Variants in MED24 observed in about 807,000 individuals in gnomAD.
MED24 encodes mediator complex subunit 24.
In MED24, 74 loss-of-function variants were observed where a neutral mutation model predicts 118.8. The ratio of observed to expected loss-of-function variants is 0.62; its 90% CI spans 0.52 to 0.76. MED24 has a LOEUF of 0.76. Ranked by LOEUF, MED24 falls within the 30% of genes least tolerant of loss-of-function variation. The pLI is 0.00. For synonymous variants in MED24, 521 were observed against 523.9 expected (o/e 0.99, Z 0.08); for missense variants, 1,041 against 1,278.9 (o/e 0.81, Z 2.84).
In MED24 at chr17:40,019,924, A is replaced by C; in HGVS notation, c.2714T>G (p.Phe905Cys). Reference protein sequence around the residue: ...DPLNRVLANLFLLISSILGSR... With the variant: ...DPLNRVLANLCLLISSILGSR... The stretch of plus-strand genomic sequence containing the variant: ...CCCCAGGATGGAGGAGATGAGCAGG[A>C]ACAGGTTGGCTGTAGAGAGTGGGGG... The change falls in exon 25 of 26, where the codon TTC (phenylalanine) becomes TGC (cysteine). Residue 905 changes from phenylalanine to cysteine, a missense_variant. Physicochemically the swap from Phe to Cys is radical, Grantham distance 205. Transcript: ENST00000394128. 1 of 1,565,728 alleles carries C rather than the reference A, an allele frequency of 6.4e-7. No individual in the cohort carries two copies. Among genetic ancestry groups the C allele is most frequent in the Non-Finnish European group, 8.7e-7 (1 of 1,154,386 alleles).
rs763513977 is a variant in MED24 at position 40,027,700 on chromosome 17, G to A, written c.1447+209C>T. On this transcript the variant is annotated intron_variant, in intron 15 of 25. Coordinates refer to ENST00000394128, the MANE Select transcript of MED24 (RefSeq NM_014815.4). ...CTAACCAAGTCGTAAAGGGATGAGG[G>A]GGGGAAGGAGACACAGGGATGGTCT... 2.4e-5 allele frequency: 16 copies of A among 675,488 alleles called. No individual in the cohort carries two copies. In the Middle Eastern group the frequency reaches 9.8e-4, roughly 41 times the overall value. The allele number at this position is 675,488 out of a possible 1,614,324, so 41.8% of individuals were successfully genotyped here.
chr17:40,026,587 G>A, intron 18 of MED24, 60 bp downstream of exon 18: 1 of 1,461,848 alleles, frequency 6.8e-7, no homozygotes, highest in Non-Finnish European at 9.4e-7. Flanking sequence ...AATATAACAA[G>A]TCATCACTGG....
Position 40,035,153 on chromosome 17 carries a change from G to T in MED24, c.523C>A (p.Arg175=). The change falls in exon 6 of 26, where the codon CGG becomes AGG. Residue 175 remains arginine, a synonymous_variant. Coordinates refer to ENST00000394128, the MANE Select transcript of MED24 (RefSeq NM_014815.4). The part of the protein sequence containing the change: ...LEKTLSSTKN[R]ALLHIAKLEE... ...AGTTTGGCGATGTGCAGCAGGGCCC[G>T]GTTCTTGGTGCTGCTGAGGGTTTTC... The T allele has an allele frequency of 1.2e-6, 2 of 1,614,138 alleles. No homozygotes were observed. Among genetic ancestry groups the T allele is most frequent in the South Asian group, 1.1e-5 (1 of 91,082 alleles).
chr17:40,046,589 A>G (rs1985239863), intron 3 of MED24, among the ~76,000 whole-genome samples: 1 of 149,174 alleles, frequency 6.7e-6, no homozygotes, highest in Non-Finnish European at 1.5e-5. Flanking sequence ...ACTAAAAAAT[A>G]CAAAAAATTA....
At chr17:40,022,599 T>G (rs1453444481) in intron 21 of MED24, 46 bp downstream of exon 21, 1 of 1,609,138 alleles carries the variant, frequency 6.2e-7, no homozygotes, top group East Asian at 2.2e-5. Context: ...GAGGGGTGCT[T>G]GACCCTGGGT....
Position 40,026,671 on chromosome 17 carries a change from C to G in MED24, c.1785G>C (p.Gly595=). ...ILEILNAWEN[G]VLAFESIQKI... is the part of the protein sequence containing the mutation. ...CCTGGATGGACTCGAAGGCCAGGAC[C>G]CCATTCTCCCAGGCATTGAGGATTT... is the stretch of plus-strand genomic sequence containing the variant. Residue 595 remains glycine, a synonymous_variant, in exon 18 of 26, where the codon GGG becomes GGC. Transcript: ENST00000394128. The G allele has an allele frequency of 6.2e-7, 1 of 1,611,288 alleles. No homozygotes were observed. Among genetic ancestry groups the G allele is most frequent in the Admixed American group, 1.7e-5 (1 of 59,688 alleles).
chr17:40,053,774 G>C, intron 1 of MED24, 139 bp from the exon 2 acceptor site: 4 of 1,124,044 alleles, frequency 3.6e-6, no homozygotes, highest in Non-Finnish European at 5.1e-6. Flanking sequence ...AAGAGCTAAA[G>C]GGATAAAGTA....
chr17:40,027,135 G>A (rs1982760791), intron 16 of MED24, 101 bp from the exon 17 acceptor site: 4 of 1,435,134 alleles, frequency 2.8e-6, no homozygotes, highest in Non-Finnish European at 3.8e-6. Flanking sequence ...TGCTGCTCCA[G>A]CCCAGCCCAA....
chr17:40,043,648 G>A (rs914877018), intron 3 of MED24, among the ~76,000 whole-genome samples: 6 of 152,020 alleles, frequency 3.9e-5, no homozygotes, highest in Non-Finnish European at 5.9e-5. Flanking sequence ...CAGCACTTTG[G>A]GAGGCCGAGG....
In MED24 at chr17:40,019,203, C is replaced by T. The variant is rs1128718; in HGVS notation, c.*326G>A. ...ACACACACACACACACACACACACA[C>T]ATACACACTTTGCATCTAGAAAGTT... is the stretch of plus-strand genomic sequence containing the variant. On this transcript the variant is annotated 3_prime_UTR_variant, in exon 26 of 26. Coordinates refer to ENST00000394128, the MANE Select transcript of MED24 (RefSeq NM_014815.4). 4,761 of 302,018 alleles carry T rather than the reference C, an allele frequency of 0.016. 266 individuals are homozygous for T. The highest frequency in any genetic ancestry group is 0.03 in the South Asian group (666 of 22,304). The allele number at this position is 302,018 out of a possible 1,614,324, so 18.7% of individuals were successfully genotyped here.
rs779739541 is a variant in MED24 at position 40,027,515 on chromosome 17, C to A, written c.1448-50G>T. ...CTCCCAGACGAGGGCAGGGGGGAGC[C>A]CGTGTCTGGGTTGACAGGGATCGGG... On this transcript the variant is annotated intron_variant, in intron 15 of 25. Transcript: ENST00000394128. 3.2e-6 allele frequency: 5 copies of A among 1,548,420 alleles called. No individual in the cohort carries two copies. The Admixed American group carries it at 7.5e-5, about 23-fold the overall frequency.
At chr17:40,028,098 G>A (rs180790661) in intron 14 of MED24, 152 bp from the exon 15 acceptor site, 15 of 813,400 alleles carry the variant, frequency 1.8e-5, no homozygotes, top group East Asian at 1.8e-4. Context: ...AAAGGTTTTT[G>A]TGGTTTTTGT....
rs1342708086 is a variant in MED24, at chr17:40,020,312, G to A, written c.2665C>T (p.His889Tyr). ...MSSSLSASQL[H>Y]TVNMRDPLNR... ...AGAGGGTCCCGCATGTTGACCGTGT[G>A]GAGCTGAGAGGCTGAGAGGGAGCTG... The change falls in exon 24 of 26, where the codon CAC becomes TAC. Residue 889 changes from histidine to tyrosine, a missense_variant. Physicochemically the swap from His to Tyr is moderately conservative, Grantham distance 83. Around this residue, in one of 3 missense-constraint regions of MED24, gnomAD observed 587 missense variants for 694.4 expected, o/e 0.85. Transcript: ENST00000394128. The A allele has an allele frequency of 1.9e-6, 3 of 1,592,298 alleles. No individual in the cohort carries two copies.
At chr17:40,037,780 G>A (rs1453366818) in intron 3 of MED24, among the ~76,000 whole-genome samples, 3 of 151,996 alleles carry the variant, frequency 2.0e-5, no homozygotes, top group South Asian at 2.1e-4. Flanking sequence ...GCATGGTGGC[G>A]GGTGCCTATA....
chr17:40,025,727 A>T (rs1982563209), intron 19 of MED24, among the ~76,000 whole-genome samples: 1 of 152,134 alleles, frequency 6.6e-6, no homozygotes, highest in African/African-American at 2.4e-5. Flanking sequence ...GGGTGAATGA[A>T]CTCAACGTAA....
intron 3 of MED24, among the ~76,000 whole-genome samples, chr17:40,046,372 A>G (rs1468598750): frequency 6.7e-6 from 1 of 148,224 alleles, no homozygotes; most frequent in Non-Finnish European, 1.5e-5. Context: ...GGCATGATCC[A>G]CTGCGCCCAG....
intron 3 of MED24, among the ~76,000 whole-genome samples, chr17:40,044,177 G>T (rs541608789): frequency 3.9e-4 from 58 of 148,880 alleles, no homozygotes; most frequent in South Asian, 3.6e-3. Flanking sequence ...AGAAAAATAG[G>T]CAAATTATAT....
chr17:40,019,713 A>G, intron 25 of MED24, 68 bp from the exon 26 acceptor site: 1 of 1,586,652 alleles, frequency 6.3e-7, no homozygotes, highest in Non-Finnish European at 8.6e-7. Flanking sequence ...AGGGGGAAGG[A>G]GGCCCCTCCC....
chr17:40,027,992 G>A, intron 14 of MED24, 46 bp from the exon 15 acceptor site: 1 of 1,598,386 alleles, frequency 6.3e-7, no homozygotes, highest in Non-Finnish European at 8.6e-7. Flanking sequence ...CATGAGCTGA[G>A]CAGTAGCTGG....
Sources: allele counts gnomAD v4.1 joint callset (sites outside exome capture counted in the v4.1 genomes callset), GRCh38; gene constraint gnomAD v4.1.1; regional missense constraint gnomAD v4.1.1; transcripts MANE v1.5; gene names NCBI Gene and HGNC (gene_info 2026-07-23, HGNC 2026-07-21).